Variants in SH3BP4 observed in about 807,000 individuals in gnomAD.
SH3BP4 encodes SH3 domain binding protein 4, also known as SH3 domain-binding protein 4.
In SH3BP4, 33 loss-of-function variants were observed where a neutral mutation model predicts 65.5. That is an observed-to-expected ratio of 0.50 (90% confidence interval 0.38 to 0.67). The LOEUF is 0.67. Ranked by LOEUF, SH3BP4 falls within the 30% of genes least tolerant of loss-of-function variation. The probability of loss-of-function intolerance (pLI) is 0.00; values close to 1 mark genes in which losing one functional copy is unlikely to be tolerated. For synonymous variants in SH3BP4, 552 were observed against 545.5 expected, an observed-to-expected ratio of 1.01 and a Z score of -0.17; for missense variants, 1,134 against 1,261.4, an observed-to-expected ratio of 0.90 and a Z score of 1.53.
intron 1 of SH3BP4, among the ~76,000 whole-genome samples, chr2:234,957,354 C>A (rs1438461752): frequency 2.6e-5 from 4 of 152,060 alleles, no homozygotes; most frequent in Admixed American, 2.6e-4. Flanking sequence ...GGGAACATTA[C>A]TAAATAGTTA....
rs1694998978 is a variant in SH3BP4, at chr2:235,026,260, TCA to T, written c.-132-8610_-132-8609del. On this transcript the variant is annotated intron_variant, in intron 2 of 5. Transcript: ENST00000392011. This position sits in a 1 kb window ranked among gnomAD's most constrained non-coding sequence, Gnocchi z 4.6. The stretch of plus-strand genomic sequence containing the variant: ...GGGGGATCCCCAGCCTCAGATGTTC[TCA>T]GTCTGGCCAGTGAAAACATCTGGAA... Among the ~76,000 whole-genome samples the T allele has an allele frequency of 6.6e-6, 1 of 152,160 alleles. No individual in the cohort carries two copies.
chr2:235,014,938 T>C (rs1290974763), intron 2 of SH3BP4, among the ~76,000 whole-genome samples: 1 of 152,224 alleles, frequency 6.6e-6, no homozygotes, highest in Non-Finnish European at 1.5e-5. Flanking sequence ...TATTATCCTC[T>C]CCCTGACCTG....
chr2:234,987,713 A>AC (rs1378595365), intron 1 of SH3BP4, among the ~76,000 whole-genome samples: 4 of 151,638 alleles, frequency 2.6e-5, no homozygotes, highest in East Asian at 1.9e-4. Flanking sequence ...TAAAACCTTC[A>AC]CCCCCCACAG....
At chr2:234,990,206 C>T (rs1009543023) in intron 1 of SH3BP4, among the ~76,000 whole-genome samples, 6 of 152,096 alleles carry the variant, frequency 3.9e-5, no homozygotes, top group Non-Finnish European at 7.4e-5. Context: ...TGGTACTCAG[C>T]GTGTATTTAG....
At position 235,041,855 on chromosome 2, in the gene SH3BP4, C is replaced by A; in HGVS notation, c.1086C>A (p.Pro362=). 3 of 1,608,522 alleles carry A rather than the reference C, an allele frequency of 1.9e-6. No individual in the cohort carries two copies. Among genetic ancestry groups the A allele is most frequent in the South Asian group, 2.2e-5 (2 of 90,756 alleles). ...QQISMKALLD[P]PLELNSDRSC... ...TCTCCATGAAAGCCCTGCTGGACCC[C>A]CCGCTGGAGCTCAACAGTGACAGGT... Residue 362 remains proline, a synonymous_variant, in exon 4 of 6, where the codon CCC becomes CCA. Coordinates refer to ENST00000392011, the MANE Select transcript of SH3BP4 (RefSeq NM_014521.3). This position sits in a 1 kb window ranked among gnomAD's most constrained non-coding sequence, Gnocchi z 6.0.
rs537032578 is a variant in SH3BP4, at chr2:234,961,451, T to C, written c.-207+9281T>C. Among the ~76,000 whole-genome samples the C allele has an allele frequency of 3.3e-5, 5 of 152,196 alleles. No individual in the cohort carries two copies. In the South Asian group the frequency reaches 6.2e-4, roughly 19 times the overall value. On this transcript the variant is annotated intron_variant, in intron 1 of 5. Coordinates refer to ENST00000392011, the MANE Select transcript of SH3BP4 (RefSeq NM_014521.3). ...CATGCCCAGCTAATTTTTGTATTTTTAGTAGAGACGGGGTTTTACCATGTT... is the reference window on the plus strand; with the variant it reads ...CATGCCCAGCTAATTTTTGTATTTTCAGTAGAGACGGGGTTTTACCATGTT...
rs1300523009 is a variant in SH3BP4, at chr2:235,030,103, A to AG, written c.-132-4764dup. ...AGTGGGGGTCTTTTCATCTCAGGCC[A>AG]GGGGAGAGCAGACTGATTTTTTTAA... is the stretch of plus-strand genomic sequence containing the variant. On this transcript the variant is annotated intron_variant, in intron 2 of 5. Coordinates refer to ENST00000392011, the MANE Select transcript of SH3BP4 (RefSeq NM_014521.3). The surrounding 1 kb of genome is among the most constrained non-coding windows in gnomAD (Gnocchi z 4.1). 6.6e-6 allele frequency among the ~76,000 whole-genome samples: 1 copy of AG among 152,188 alleles called. No homozygotes were observed. The highest frequency in any genetic ancestry group is 2.4e-5 in the African/African-American group (1 of 41,446).
chr2:235,008,334 A>C (rs535459071), intron 2 of SH3BP4, among the ~76,000 whole-genome samples: 1 of 152,100 alleles, frequency 6.6e-6, no homozygotes, highest in Non-Finnish European at 1.5e-5. Context: ...GTCGCCTGGC[A>C]TGAGCTCTGG....
chr2:235,036,740 A>AAATAATAATAATAAT (rs1553567054), intron 3 of SH3BP4, among the ~76,000 whole-genome samples: 15,407 of 141,630 alleles, frequency 0.11, 1,568 homozygotes, highest in East Asian at 0.39. Flanking sequence ...TCTATATAAA[A>AAATAATAATAATAAT]AATAATAATA....
intron 1 of SH3BP4, among the ~76,000 whole-genome samples, chr2:234,955,994 GC>G (rs1217340138): frequency 6.6e-6 from 1 of 152,158 alleles, no homozygotes; most frequent in African/African-American, 2.4e-5. Flanking sequence ...GAAACAAACG[GC>G]TCTCAGTCAC....
At position 235,052,631 on chromosome 2, in the gene SH3BP4, G is replaced by A; in HGVS notation, c.2548G>A (p.Ala850Thr). The part of the protein sequence containing the change: ...LIQDFVLLTT[A>T]VEVAQRWREL... ...CCAGGACTTTGTGCTCCTGACCACG[G>A]CTGTAGAGGTGGCCCAGCGCTGGCG... The change falls in exon 5 of 6, where the codon GCT (alanine) becomes ACT (threonine). Residue 850 changes from alanine to threonine, a missense_variant. Ala to Thr is a moderately conservative substitution (Grantham distance 58, BLOSUM62 0). Transcript: ENST00000392011. This position sits in a 1 kb window ranked among gnomAD's most constrained non-coding sequence, Gnocchi z 5.0. 1 of 1,573,268 alleles carries A rather than the reference G, an allele frequency of 6.4e-7. No individual in the cohort carries two copies. The highest frequency in any genetic ancestry group is 8.6e-7 in the Non-Finnish European group (1 of 1,160,000).
intron 1 of SH3BP4, among the ~76,000 whole-genome samples, chr2:234,981,265 G>A (rs1195975881): frequency 6.6e-6 from 1 of 152,190 alleles, no homozygotes; most frequent in African/African-American, 2.4e-5. Flanking sequence ...CTCGGCCCCT[G>A]TTTATCGCTC....
At chr2:234,959,572 C>G (rs1369253023) in intron 1 of SH3BP4, among the ~76,000 whole-genome samples, 2 of 152,012 alleles carry the variant, frequency 1.3e-5, no homozygotes, top group Non-Finnish European at 2.9e-5. Context: ...TAGTTCTGTG[C>G]AATTTAATTT....
At chr2:234,960,354 T>C (rs889097644) in intron 1 of SH3BP4, among the ~76,000 whole-genome samples, 2 of 152,224 alleles carry the variant, frequency 1.3e-5, no homozygotes, top group African/African-American at 4.8e-5. Context: ...TTCAAATGTT[T>C]GTAAGAGGAA....
chr2:234,990,137 T>G (rs2106268209), intron 1 of SH3BP4, among the ~76,000 whole-genome samples: 1 of 152,370 alleles, frequency 6.6e-6, no homozygotes, highest in South Asian at 2.1e-4. Context: ...ATTGTGTATG[T>G]GCAGATGTTC....
chr2:235,021,451 T>TAA (rs1196883417), intron 2 of SH3BP4, among the ~76,000 whole-genome samples: 1 of 144,994 alleles, frequency 6.9e-6, no homozygotes, highest in Non-Finnish European at 1.5e-5. Context: ...CTGTCTCTAC[T>TAA]AAAAAAAAAA....
rs1230824239 is a variant in SH3BP4 at position 235,045,875 on chromosome 2, T to C, written c.2478+2628T>C. On this transcript the variant is annotated intron_variant, in intron 4 of 5. Transcript: ENST00000392011. This position sits in a 1 kb window ranked among gnomAD's most constrained non-coding sequence, Gnocchi z 4.3. ...TTCTGATGCCTTGGGTTGGAAACAGTGTTTAAATGATGGGGAAAATGTGAG... is the reference window on the plus strand; with the variant it reads ...TTCTGATGCCTTGGGTTGGAAACAGCGTTTAAATGATGGGGAAAATGTGAG... Among the ~76,000 whole-genome samples the C allele has an allele frequency of 6.6e-6, 1 of 152,138 alleles. No individual in the cohort carries two copies.
At chr2:234,982,439 G>C (rs6748920) in intron 1 of SH3BP4, among the ~76,000 whole-genome samples, 40,646 of 152,088 alleles carry the variant, frequency 0.27, 5,931 homozygotes, top group East Asian at 0.59. Context: ...AAATGGAACT[G>C]TTAGTCTATA....
At chr2:235,013,733 C>T (rs751709912) in intron 2 of SH3BP4, among the ~76,000 whole-genome samples, 11 of 152,252 alleles carry the variant, frequency 7.2e-5, no homozygotes, top group Middle Eastern at 3.4e-3. Context: ...ATGGTTTGAG[C>T]GCATTCCTAG....
Sources: allele counts gnomAD v4.1 joint callset (sites outside exome capture counted in the v4.1 genomes callset), GRCh38; gene constraint gnomAD v4.1.1; non-coding constraint Gnocchi (gnomAD v3.1); transcripts MANE v1.5; gene names NCBI Gene and HGNC (gene_info 2026-07-23, HGNC 2026-07-21).